GRB10: variants seen among roughly 807,000 people sequenced by gnomAD.
GRB10 encodes the protein growth factor receptor-bound protein 10.
In GRB10, 20 loss-of-function variants were observed where a neutral mutation model predicts 80.9. That is an observed-to-expected ratio of 0.25 (90% CI 0.17 to 0.36). GRB10 has a LOEUF of 0.36. Among genes scored for constraint, GRB10 ranks in the 10% least tolerant of loss-of-function variants. GRB10 has a pLI of 1.00. For missense variants in GRB10, 548 were observed against 747.7 expected (o/e 0.73, Z 3.12); for synonymous variants, 291 against 291.5 (o/e 1.00, Z 0.02).
At chr7:50,599,132 G>C (rs2047158074) in intron 17 of GRB10, among the ~76,000 whole-genome samples, 1 of 152,164 alleles carries the variant, frequency 6.6e-6, no homozygotes, top group African/African-American at 2.4e-5. Context: ...GTGCAGGGCT[G>C]GTAAAGCACG....
intron 3 of GRB10, among the ~76,000 whole-genome samples, chr7:50,739,411 C>T (rs1445699959): frequency 1.3e-5 from 2 of 152,112 alleles, no homozygotes; most frequent in African/African-American, 2.4e-5. Flanking sequence ...AGCGTTTACC[C>T]TCCCTTCTGA....
Position 50,703,924 on chromosome 7 carries a change from C to A in GRB10, c.52-16G>T. On this transcript the variant is annotated splice_polypyrimidine_tract_variant and intron_variant, in intron 4 of 18. Transcript: ENST00000401949. ...CCACCTTGTCCTAAAAAAACAGGAC[C>A]GCAGCAGAAAGGCTGTGAGTTCACA... The A allele has an allele frequency of 6.3e-7, 1 of 1,596,882 alleles. No homozygotes were observed. The highest frequency in any genetic ancestry group is 1.7e-4 in the Middle Eastern group (1 of 5,912).
chr7:50,727,388 A>G (rs1289970555), intron 4 of GRB10, among the ~76,000 whole-genome samples: 1 of 152,204 alleles, frequency 6.6e-6, no homozygotes, highest in Non-Finnish European at 1.5e-5. Context: ...CAGGGTTGAC[A>G]TCTTGTTCAC....
At chr7:50,596,974 T>C (rs2046768207) in intron 17 of GRB10, among the ~76,000 whole-genome samples, 2 of 152,048 alleles carry the variant, frequency 1.3e-5, no homozygotes, top group Admixed American at 6.5e-5. Flanking sequence ...AAAGAAGAAA[T>C]GGCCTGAAAA....
chr7:50,763,746 G>A (rs1427422449), intron 2 of GRB10, among the ~76,000 whole-genome samples: 1 of 152,172 alleles, frequency 6.6e-6, no homozygotes, highest in Non-Finnish European at 1.5e-5. Context: ...CAGCTCATTG[G>A]CTGCGGAAGC....
At chr7:50,755,126 C>A (rs940561487) in intron 3 of GRB10, among the ~76,000 whole-genome samples, 5 of 152,218 alleles carry the variant, frequency 3.3e-5, no homozygotes, top group African/African-American at 1.2e-4. Flanking sequence ...CGGGATACTG[C>A]GGGGAAGCCC....
intron 3 of GRB10, among the ~76,000 whole-genome samples, chr7:50,753,898 G>A (rs987833258): frequency 2.6e-5 from 4 of 152,234 alleles, no homozygotes; most frequent in Non-Finnish European, 5.9e-5. Flanking sequence ...GGAAGTGGGC[G>A]CTGGGGCTGG....
At chr7:50,763,565 G>A (rs2153706156) in intron 2 of GRB10, among the ~76,000 whole-genome samples, 1 of 152,336 alleles carries the variant, frequency 6.6e-6, no homozygotes, top group South Asian at 2.1e-4. Context: ...CACACACACG[G>A]AATGTTTACT....
intron 5 of GRB10, among the ~76,000 whole-genome samples, chr7:50,685,731 G>A (rs533712981): frequency 6.6e-6 from 1 of 152,276 alleles, no homozygotes; most frequent in South Asian, 2.1e-4. Context: ...CAGTCAAGTA[G>A]AGGGCATTCA....
At chr7:50,699,475 G>A (rs2063867303) in intron 5 of GRB10, among the ~76,000 whole-genome samples, 1 of 152,188 alleles carries the variant, frequency 6.6e-6, no homozygotes, top group African/African-American at 2.4e-5. Context: ...ATTATAATGA[G>A]TGAAGAGTTG....
chr7:50,780,485 A>C (rs1291356600), intron 2 of GRB10, 142 bp downstream of exon 2: 1 of 152,212 alleles, frequency 6.6e-6, no homozygotes, highest in East Asian at 1.9e-4. Flanking sequence ...CCCAGTAGTT[A>C]CAAGGCCCAG....
intron 17 of GRB10, among the ~76,000 whole-genome samples, chr7:50,602,485 C>G (rs1429687865): frequency 6.6e-6 from 1 of 152,144 alleles, no homozygotes; most frequent in Non-Finnish European, 1.5e-5. Context: ...CCACCACTCC[C>G]CAGGAATCAG....
intron 3 of GRB10, among the ~76,000 whole-genome samples, chr7:50,738,344 G>T (rs2071161439): frequency 6.6e-6 from 1 of 152,192 alleles, no homozygotes; most frequent in Non-Finnish European, 1.5e-5. Context: ...GTTCATAGCA[G>T]CACTATTCAC....
intron 8 of GRB10, among the ~76,000 whole-genome samples, chr7:50,625,609 C>T (rs1414548860): frequency 6.6e-6 from 1 of 152,144 alleles, no homozygotes; most frequent in East Asian, 1.9e-4. Context: ...TAACTGTGGA[C>T]CTAGTAAGTG....
upstream of GRB10, among the ~76,000 whole-genome samples, chr7:50,783,895 G>A (rs2078561478): frequency 6.6e-6 from 1 of 152,206 alleles, no homozygotes; most frequent in Admixed American, 6.5e-5. Flanking sequence ...GGCCCCTGAA[G>A]GTCACTGGAG....
chr7:50,741,839 G>A (rs1338853792), intron 3 of GRB10, among the ~76,000 whole-genome samples: 1 of 152,012 alleles, frequency 6.6e-6, no homozygotes, highest in African/African-American at 2.4e-5. Flanking sequence ...AGCAAAGCAT[G>A]ACAAAATTGA....
upstream of GRB10, among the ~76,000 whole-genome samples, chr7:50,787,268 C>CAGGAGGAGCAGGAGGAGG (rs1554324885): frequency 6.7e-6 from 1 of 148,690 alleles, no homozygotes; most frequent in African/African-American, 2.5e-5. Context: ...CTCTGGAGAG[C>CAGGAGGAGCAGGAGGAGG]AGGAGGAGGA....
chr7:50,712,766 C>A (rs1322347634), intron 4 of GRB10, among the ~76,000 whole-genome samples: 2 of 152,338 alleles, frequency 1.3e-5, no homozygotes, highest in Non-Finnish European at 2.9e-5. Context: ...ACAGAAACAT[C>A]AATTCTGGTT....
chr7:50,642,317 T>C (rs942129390), intron 7 of GRB10, among the ~76,000 whole-genome samples: 3 of 150,982 alleles, frequency 2.0e-5, no homozygotes, highest in African/African-American at 4.9e-5. Flanking sequence ...CACACACACA[T>C]ACAAACACAT....
Sources: gnomAD v4.1 joint callset for allele counts (sites outside exome capture counted in the v4.1 genomes callset) on GRCh38, gnomAD v4.1.1 for gene constraint, MANE v1.5 for transcripts, NCBI Gene and HGNC (gene_info 2026-07-23, HGNC 2026-07-21) for gene names.